Variants in PAPPA2 observed in about 807,000 individuals in gnomAD.
The protein encoded by PAPPA2 is pappalysin-2.
Under a neutral mutation model 176.4 loss-of-function variants are expected in PAPPA2, and 86 were observed. That is an observed-to-expected ratio of 0.49 (90% CI 0.41 to 0.58). PAPPA2 has a LOEUF of 0.58. Among genes scored for constraint, PAPPA2 ranks in the 20% least tolerant of loss-of-function variants. The pLI is 0.00. For synonymous variants in PAPPA2, 809 were observed against 852.2 expected (o/e 0.95, Z 0.88); for missense variants, 2,073 against 2,256.9 (o/e 0.92, Z 1.65).
chr1:176,802,479 C>T (rs766446910), intron 21 of PAPPA2, among the ~76,000 whole-genome samples: 3 of 152,100 alleles, frequency 2.0e-5, no homozygotes, highest in Non-Finnish European at 4.4e-5. Context: ...TTAGGGAGAA[C>T]AGAAGAGTGT....
rs933634183 is a variant in PAPPA2, at chr1:176,546,462, C to CA, written c.-916-8937dup. Among the ~76,000 whole-genome samples, 23 of 151,184 alleles carry CA rather than the reference C, an allele frequency of 1.5e-4. No individual in the cohort carries two copies. In the East Asian group the frequency reaches 3.3e-3, roughly 22 times the overall value. ...AAAATGCTCACATTTTTCTATTAGT[C>CA]AAAAAAAATAGTCAAAAACTTTACC... On this transcript the variant is annotated intron_variant, in intron 1 of 22. Transcript: ENST00000367662.
chr1:176,782,817 G>T (rs779386127), intron 17 of PAPPA2, among the ~76,000 whole-genome samples: 8 of 152,140 alleles, frequency 5.3e-5, no homozygotes, highest in Admixed American at 1.3e-4. Context: ...ACTAATCTTT[G>T]CTGACTGGCT....
At chr1:176,809,951 AGTGTGTGTGTGTGTGTGTGTGT>A (rs55858181) in intron 21 of PAPPA2, among the ~76,000 whole-genome samples, 5 of 133,794 alleles carry the variant, frequency 3.7e-5, no homozygotes, top group South Asian at 2.8e-4. Flanking sequence ...GACAAGATGC[AGTGTGTGTGTGTGTGTGTGTGT>A]GTGTGTGTGT....
intron 1 of PAPPA2, among the ~76,000 whole-genome samples, chr1:176,482,018 A>C (rs1652427158): frequency 6.6e-6 from 1 of 152,162 alleles, no homozygotes; most frequent in African/African-American, 2.4e-5. Context: ...GGACAAGAAT[A>C]GATGCATTTA....
In PAPPA2 at chr1:176,518,463, A is replaced by C. The variant is rs897459724; in HGVS notation, c.-916-36944A>C. Reference sequence around the variant, plus strand: ...GAAAGCTTGACAGGTAAAAAAAAAAAAAAAAACAAACAAACTTACCAGAAG... The same window carrying C: ...GAAAGCTTGACAGGTAAAAAAAAAACAAAAAACAAACAAACTTACCAGAAG... On this transcript the variant is annotated intron_variant, in intron 1 of 22. Coordinates refer to ENST00000367662, the MANE Select transcript of PAPPA2 (RefSeq NM_020318.3). Among the ~76,000 whole-genome samples the C allele has an allele frequency of 7.1e-4, 108 of 152,124 alleles. 1 individual carries two copies. The highest frequency in any genetic ancestry group is 2.2e-3 in the African/African-American group (90 of 41,482).
In PAPPA2 at chr1:176,791,527, T is replaced by A. The variant is rs201826640; in HGVS notation, c.5020+45T>A. 126 of 1,576,694 alleles carry A rather than the reference T, an allele frequency of 8.0e-5. No homozygotes were observed. The African/African-American group carries it at 1.6e-3, about 20-fold the overall frequency. On this transcript the variant is annotated intron_variant, in intron 19 of 22. Coordinates refer to ENST00000367662, the MANE Select transcript of PAPPA2 (RefSeq NM_020318.3). ...TTAAAGTCAATTTCTATGTCATTCT[T>A]TTATTAAGCACAGCTGAATTTTTTT...
intron 3 of PAPPA2, among the ~76,000 whole-genome samples, chr1:176,668,251 A>G (rs1658778524): frequency 1.3e-5 from 2 of 152,210 alleles, no homozygotes; most frequent in Non-Finnish European, 2.9e-5. Context: ...TCAGGGATAC[A>G]TATAGGTGAG....
intron 12 of PAPPA2, among the ~76,000 whole-genome samples, chr1:176,732,857 A>T (rs1226441740): frequency 6.6e-6 from 1 of 152,186 alleles, no homozygotes; most frequent in Non-Finnish European, 1.5e-5. Context: ...AGAGATACCC[A>T]ACCCTCAGGC....
chr1:176,796,731 TTC>T (rs930703910), intron 20 of PAPPA2, among the ~76,000 whole-genome samples: 20 of 151,316 alleles, frequency 1.3e-4, no homozygotes, highest in African/African-American at 4.6e-4. Context: ...TCTTCTTTCT[TTC>T]TCTCTTTCTC....
At chr1:176,573,868 A>C (rs992123582) in intron 2 of PAPPA2, among the ~76,000 whole-genome samples, 7 of 152,086 alleles carry the variant, frequency 4.6e-5, no homozygotes, top group African/African-American at 1.4e-4. Flanking sequence ...CTGTGGGCAG[A>C]GCTGTGCTAG....
At chr1:176,475,573 G>C (rs1652075436) in intron 1 of PAPPA2, among the ~76,000 whole-genome samples, 1 of 152,162 alleles carries the variant, frequency 6.6e-6, no homozygotes, top group African/African-American at 2.4e-5. Flanking sequence ...TCCTTATGGA[G>C]TCCTCCAGGA....
chr1:176,716,914 A>G (rs933729850), intron 12 of PAPPA2, among the ~76,000 whole-genome samples: 2 of 152,036 alleles, frequency 1.3e-5, no homozygotes, highest in Admixed American at 1.3e-4. Context: ...CCCGGCCACA[A>G]CAATTCCATA....
At position 176,800,148 on chromosome 1, in the gene PAPPA2, C is replaced by T; in HGVS notation, c.5202+16C>T. Reference sequence around the variant, plus strand: ...GTCATGTGAGGTAAGATAGCCTCCCCTTCCCCAACTCAGACTAGAGAACTC... The same window carrying T: ...GTCATGTGAGGTAAGATAGCCTCCCTTTCCCCAACTCAGACTAGAGAACTC... On this transcript the variant is annotated intron_variant, in intron 21 of 22. Coordinates refer to ENST00000367662, the MANE Select transcript of PAPPA2 (RefSeq NM_020318.3). 2 of 1,613,188 alleles carry T rather than the reference C, an allele frequency of 1.2e-6. No individual in the cohort carries two copies. Among genetic ancestry groups the T allele is most frequent in the Middle Eastern group, 1.7e-4 (1 of 6,058 alleles).
At chr1:176,647,395 A>G (rs1374704633) in intron 3 of PAPPA2, among the ~76,000 whole-genome samples, 6 of 151,450 alleles carry the variant, frequency 4.0e-5, no homozygotes, top group African/African-American at 1.5e-4. Flanking sequence ...TTCCTTTGGT[A>G]TGCAGAAGCT....
rs1033161003 is a variant in PAPPA2, at chr1:176,842,695, G to A, written c.*241G>A. 2.1e-5 allele frequency: 11 copies of A among 515,000 alleles called. No individual in the cohort carries two copies. Among genetic ancestry groups the A allele is most frequent in the Non-Finnish European group, 3.1e-5 (9 of 286,990 alleles). 31.9% of individuals were successfully genotyped at this position (515,000 alleles called of 1,614,324 possible). ...TTTAAAGTGGCAGTTGATTAACATG[G>A]AAGGGGAAATATGATAGATATATAA... On this transcript the variant is annotated 3_prime_UTR_variant, in exon 23 of 23. Transcript: ENST00000367662.
At chr1:176,730,591 TG>T (rs1324278299) in intron 12 of PAPPA2, among the ~76,000 whole-genome samples, 15 of 141,234 alleles carry the variant, frequency 1.1e-4, no homozygotes, top group African/African-American at 4.2e-4. Context: ...TTCTCGTTTT[TG>T]TTTTTTGTTT....
chr1:176,579,514 T>C (rs1652841271), intron 2 of PAPPA2, among the ~76,000 whole-genome samples: 1 of 152,184 alleles, frequency 6.6e-6, no homozygotes, highest in Admixed American at 6.5e-5. Flanking sequence ...TGTTCTTTCC[T>C]CCAAACTATT....
At chr1:176,557,607 A>G (rs1038758608) in intron 2 of PAPPA2, among the ~76,000 whole-genome samples, 3 of 152,168 alleles carry the variant, frequency 2.0e-5, no homozygotes, top group Admixed American at 6.5e-5. Context: ...CCAATATGAG[A>G]TACCCAGGCA....
rs765529261 is a variant in PAPPA2 at position 176,702,772 on chromosome 1, TGTGTGA to T, written c.3365+39_3365+44del. On this transcript the variant is annotated intron_variant, in intron 9 of 22. Coordinates refer to ENST00000367662, the MANE Select transcript of PAPPA2 (RefSeq NM_020318.3). The stretch of plus-strand genomic sequence containing the variant: ...GTGTGTGTGTGTGTGTGTGTGTGTG[TGTGTGA>T]GAGAGAGAGAGAGAGAGAGAGAGAG... 4.9e-5 allele frequency: 76 copies of T among 1,553,416 alleles called. No individual in the cohort carries two copies. In the East Asian group the frequency reaches 8.8e-4, roughly 18 times the overall value.
Sources: gnomAD v4.1 joint callset for allele counts (sites outside exome capture counted in the v4.1 genomes callset) on GRCh38, gnomAD v4.1.1 for gene constraint, MANE v1.5 for transcripts, NCBI Gene and HGNC (gene_info 2026-07-23, HGNC 2026-07-21) for gene names.